The following SLMAP variants were observed in gnomAD, a reference collection of about 807,000 sequenced individuals.
The protein encoded by SLMAP is sarcolemmal membrane-associated protein.
SLMAP carries 44 observed loss-of-function variants against 128.8 expected under a neutral mutation model. That is an observed-to-expected ratio of 0.34 (90% CI 0.27 to 0.44). The LOEUF (loss-of-function observed/expected upper bound fraction) is 0.44. SLMAP is among the 20% of genes least tolerant of loss of function. SLMAP has a pLI of 1.00. For synonymous variants in SLMAP, 327 were observed against 348.8 expected (o/e 0.94, Z 0.70); for missense variants, 787 against 985.3 (o/e 0.80, Z 2.69).
chr3:57,873,740 C>T (rs1238928891), intron 14 of SLMAP, among the ~76,000 whole-genome samples: 1 of 152,164 alleles, frequency 6.6e-6, no homozygotes, highest in Non-Finnish European at 1.5e-5. Flanking sequence ...TTTCATGGGC[C>T]TAGGCAGGAG....
chr3:57,804,646 G>A (rs1487546265), intron 2 of SLMAP, among the ~76,000 whole-genome samples: 1 of 152,260 alleles, frequency 6.6e-6, no homozygotes, highest in South Asian at 2.1e-4. Flanking sequence ...CTGGGAGGCT[G>A]AGGTAGGAAC....
intron 2 of SLMAP, among the ~76,000 whole-genome samples, chr3:57,828,036 C>T (rs1007831478): frequency 1.3e-5 from 2 of 152,176 alleles, no homozygotes; most frequent in Non-Finnish European, 2.9e-5. Flanking sequence ...GCAACCTCTG[C>T]CCCCCAGATT....
Position 57,757,270 on chromosome 3 carries a change from A to G in SLMAP, c.-382A>G. The G allele has an allele frequency of 3.4e-6, 1 of 291,986 alleles. No individual in the cohort carries two copies. The highest frequency in any genetic ancestry group is 4.9e-5 in the Admixed American group (1 of 20,518). The allele number at this position is 291,986 out of a possible 1,614,324, so 18.1% of individuals were successfully genotyped here. A position where few individuals can be genotyped will look rare whatever the true frequency, so the allele number is the denominator to read the frequency against. ...AGGGGGAAAAGCGGCCGCGATCTCA[A>G]ACCAAACACAAGAATTGGCGTGTGA... On this transcript the variant is annotated 5_prime_UTR_variant, in exon 2 of 25. Transcript: ENST00000671191.
chr3:57,848,176 G>GCTCCTC (rs58849244), intron 5 of SLMAP, among the ~76,000 whole-genome samples: 21 of 150,060 alleles, frequency 1.4e-4, no homozygotes, highest in African/African-American at 4.2e-4. Flanking sequence ...TCCTGCTCCT[G>GCTCCTC]CTCCTCCTCC....
chr3:57,817,892 G>T (rs1200763296), intron 2 of SLMAP, among the ~76,000 whole-genome samples: 1 of 152,120 alleles, frequency 6.6e-6, no homozygotes, highest in South Asian at 2.1e-4. Flanking sequence ...GCATCAGAAG[G>T]TCTGATTGCT....
chr3:57,776,018 A>G (rs896503110), intron 2 of SLMAP, among the ~76,000 whole-genome samples: 2 of 152,222 alleles, frequency 1.3e-5, no homozygotes, highest in African/African-American at 4.8e-5. Flanking sequence ...AATAATTTAA[A>G]AAAATTAAAT....
chr3:57,766,258 C>T (rs1447366326), intron 2 of SLMAP, among the ~76,000 whole-genome samples: 4 of 148,874 alleles, frequency 2.7e-5, no homozygotes, highest in East Asian at 2.0e-4. Context: ...CCTCGTGATC[C>T]GCCTGCCTCA....
chr3:57,835,279 C>T lies in SLMAP; in HGVS notation c.346+3749C>T, dbSNP rs114895327. ...CATAGGGAGACACTGTCTCTACCCG[C>T]TCCCCTGGCCCCCAAATTTTTTTTA... On this transcript the variant is annotated intron_variant, in intron 3 of 24. Transcript: ENST00000671191. 7.1e-3 allele frequency among the ~76,000 whole-genome samples: 1,071 copies of T among 151,664 alleles called. 16 individuals carry two copies. Among genetic ancestry groups the T allele is most frequent in the African/African-American group, 0.024 (999 of 41,158 alleles).
chr3:57,869,634 A>ATATATATATATATAT (rs2095424724), intron 13 of SLMAP, among the ~76,000 whole-genome samples: 2 of 122,336 alleles, frequency 1.6e-5, no homozygotes, highest in African/African-American at 6.8e-5. Context: ...TCTCTATTAT[A>ATATATATATATATAT]TATATATATA....
At chr3:57,842,199 C>G (rs1326107819) in intron 4 of SLMAP, among the ~76,000 whole-genome samples, 1 of 152,058 alleles carries the variant, frequency 6.6e-6, no homozygotes, top group South Asian at 2.1e-4. Flanking sequence ...TTAAGCAGAG[C>G]GAGGCCCTCC....
intron 10 of SLMAP, among the ~76,000 whole-genome samples, chr3:57,862,632 G>T (rs2095134401): frequency 1.1e-5 from 1 of 89,182 alleles, no homozygotes; most frequent in Admixed American, 1.7e-4. Flanking sequence ...GCAAGACTTC[G>T]TCTCACAAAA....
At chr3:57,812,316 T>A (rs184830933) in intron 2 of SLMAP, among the ~76,000 whole-genome samples, 1 of 152,320 alleles carries the variant, frequency 6.6e-6, no homozygotes, top group Admixed American at 6.5e-5. Flanking sequence ...TAGCACCATT[T>A]GTTGAAAAGA....
chr3:57,805,186 G>A (rs575165199), intron 2 of SLMAP, among the ~76,000 whole-genome samples: 9 of 151,858 alleles, frequency 5.9e-5, no homozygotes, highest in Non-Finnish European at 7.4e-5. Flanking sequence ...TTTTCCCACT[G>A]GGTTTTCCTC....
chr3:57,757,174 A>C lies in SLMAP; in HGVS notation c.-478A>C, dbSNP rs1034571039. ...GCCCAGCCACACCTTCCTTCGGCCC[A>C]AAAGGACTTTCCTGGCCGCGCCGAA... is the stretch of plus-strand genomic sequence containing the variant. On this transcript the variant is annotated 5_prime_UTR_variant, in exon 2 of 25. Transcript: ENST00000671191. 9 of 201,788 alleles carry C rather than the reference A, an allele frequency of 4.5e-5. No individual in the cohort carries two copies. Among genetic ancestry groups the C allele is most frequent in the Non-Finnish European group, 6.2e-5 (6 of 97,254 alleles). 12.5% of individuals were successfully genotyped at this position (201,788 alleles called of 1,614,324 possible). A position where few individuals can be genotyped will look rare whatever the true frequency, so the allele number is the denominator to read the frequency against.
At chr3:57,884,373 C>T (rs2095826700) in intron 14 of SLMAP, among the ~76,000 whole-genome samples, 1 of 152,130 alleles carries the variant, frequency 6.6e-6, no homozygotes, top group South Asian at 2.1e-4. Flanking sequence ...GTATGAGCAT[C>T]TCACTGGGGA....
chr3:57,762,804 CT>C (rs2078957816), intron 2 of SLMAP, among the ~76,000 whole-genome samples: 1 of 151,576 alleles, frequency 6.6e-6, no homozygotes, highest in Non-Finnish European at 1.5e-5. Context: ...CAACCTCTCC[CT>C]CCTGGGTTCA....
intron 2 of SLMAP, among the ~76,000 whole-genome samples, chr3:57,781,371 A>G (rs1332481178): frequency 2.6e-5 from 4 of 152,200 alleles, no homozygotes; most frequent in African/African-American, 9.7e-5. Flanking sequence ...ACTTCATTGA[A>G]AAGGCTGTAA....
At chr3:57,779,150 A>C (rs541362555) in intron 2 of SLMAP, among the ~76,000 whole-genome samples, 1 of 152,296 alleles carries the variant, frequency 6.6e-6, no homozygotes, top group Non-Finnish European at 1.5e-5. Context: ...TCAATCTCAG[A>C]AATGTTGAAT....
intron 6 of SLMAP, among the ~76,000 whole-genome samples, chr3:57,855,872 C>T (rs995765194): frequency 2.4e-4 from 36 of 151,716 alleles, no homozygotes; most frequent in African/African-American, 7.7e-4. Flanking sequence ...GGTAAAACGC[C>T]GTCTCTACTG....
Sources: gnomAD v4.1 joint callset for allele counts (sites outside exome capture counted in the v4.1 genomes callset) on GRCh38, gnomAD v4.1.1 for gene constraint, MANE v1.5 for transcripts, NCBI Gene and HGNC (gene_info 2026-07-23, HGNC 2026-07-21) for gene names.